Variants in PRSS55 observed in about 807,000 individuals in gnomAD.
The protein encoded by PRSS55 is probable serine protease UNQ9391/PRO34284.
A neutral mutation model predicts 23.6 loss-of-function variants in PRSS55; 41 were observed. The observed-to-expected ratio is 1.74, with a 90% CI of 1.35 to 2.26. PRSS55 has a LOEUF of 2.26. Among genes scored for constraint, PRSS55 ranks in the 30% most tolerant of loss-of-function variants. PRSS55 has a pLI of 0.00. For synonymous variants in PRSS55, 262 were observed against 175.5 expected, an observed-to-expected ratio of 1.49 and a Z score of -3.90; for missense variants, 669 against 439.1, an observed-to-expected ratio of 1.52 and a Z score of -4.68.
intron 4 of PRSS55, among the ~76,000 whole-genome samples, chr8:10,536,999 C>G (rs1017038192): frequency 2.0e-5 from 3 of 152,102 alleles, no homozygotes; most frequent in African/African-American, 7.2e-5. Context: ...AACAAATCTG[C>G]TCATGTACCC....
intron 4 of PRSS55, among the ~76,000 whole-genome samples, chr8:10,536,890 G>C (rs1237274316): frequency 1.3e-5 from 2 of 152,182 alleles, no homozygotes; most frequent in Non-Finnish European, 2.9e-5. Context: ...AAGAGGGTAA[G>C]TAAGGTAGTT....
chr8:10,526,664 T>G (rs1168367661), intron 1 of PRSS55, among the ~76,000 whole-genome samples: 1 of 152,208 alleles, frequency 6.6e-6, no homozygotes, highest in Non-Finnish European at 1.5e-5. Flanking sequence ...TGTTGTGGGT[T>G]GATCTCAGGA....
chr8:10,549,158 C>T (rs1812895908), intron 4 of PRSS55, among the ~76,000 whole-genome samples: 1 of 152,156 alleles, frequency 6.6e-6, no homozygotes, highest in Non-Finnish European at 1.5e-5. Context: ...ATAGTCACCT[C>T]ATCATAATAA....
At position 10,533,723 on chromosome 8, in the gene PRSS55, C is replaced by A. The variant is rs557189847; in HGVS notation, c.741+675C>A. Among the ~76,000 whole-genome samples, 8 of 152,310 alleles carry A rather than the reference C, an allele frequency of 5.3e-5. No homozygotes were observed. In the South Asian group the frequency reaches 1.7e-3, roughly 32 times the overall value. ...TCTTAAAAGTGGCCACCCTGATGAA[C>A]CTGCTTAGTCTCAGCTGAAGACTAG... is the stretch of plus-strand genomic sequence containing the variant. On this transcript the variant is annotated intron_variant, in intron 4 of 4. Coordinates refer to ENST00000328655, the MANE Select transcript of PRSS55 (RefSeq NM_198464.4).
In PRSS55 at chr8:10,530,896, G is replaced by C. The variant is rs117132526; in HGVS notation, c.348-399G>C. On this transcript the variant is annotated intron_variant, in intron 2 of 4. Coordinates refer to ENST00000328655, the MANE Select transcript of PRSS55 (RefSeq NM_198464.4). ...TCTGGTCCTGAGTTTCTAAAGTGCT[G>C]GTAGACCAGTTGATACAAAACAGAT... 3.9e-5 allele frequency among the ~76,000 whole-genome samples: 6 copies of C among 152,202 alleles called. No homozygotes were observed. The East Asian group carries it at 1.2e-3, about 29-fold the overall frequency.
chr8:10,532,241 T>C (rs1261411976), intron 3 of PRSS55, among the ~76,000 whole-genome samples: 1 of 151,986 alleles, frequency 6.6e-6, no homozygotes. Context: ...GGTGGGACCT[T>C]AGTTCTGGGC....
downstream of PRSS55, chr8:10,540,409 G>T (rs528328392): frequency 6.6e-6 from 1 of 152,280 alleles, no homozygotes; most frequent in Non-Finnish European, 1.5e-5. Flanking sequence ...TCTCCAGAAA[G>T]AGACTGAAGA....
chr8:10,549,109 C>T (rs985468879), intron 4 of PRSS55, among the ~76,000 whole-genome samples: 1 of 152,174 alleles, frequency 6.6e-6, no homozygotes, highest in Non-Finnish European at 1.5e-5. Flanking sequence ...AGAAAACATT[C>T]GCTTACCCTG....
chr8:10,548,374 C>G (rs1024768578), intron 4 of PRSS55, among the ~76,000 whole-genome samples: 2 of 152,084 alleles, frequency 1.3e-5, no homozygotes, highest in South Asian at 4.2e-4. Context: ...GCAGAGGTTC[C>G]CTGAGAGCTG....
chr8:10,540,485 G>C (rs1402984210), downstream of PRSS55: 1 of 152,300 alleles, frequency 6.6e-6, no homozygotes, highest in African/African-American at 2.4e-5. Context: ...GCTGAGATGG[G>C]TGGATCACCT....
chr8:10,538,081 C>G (rs898847802), intron 4 of PRSS55, among the ~76,000 whole-genome samples: 1 of 152,194 alleles, frequency 6.6e-6, no homozygotes, highest in Non-Finnish European at 1.5e-5. Flanking sequence ...CCCTGCAACA[C>G]TTCACATGTC....
At chr8:10,553,807 A>G (rs1455741452) in intron 4 of PRSS55, 2 of 569,606 alleles carry the variant, frequency 3.5e-6, no homozygotes, top group East Asian at 5.8e-5. Context: ...TGAAAAAGCA[A>G]TATGTAAGGT....
intron 4 of PRSS55, 24 bp downstream of exon 4, chr8:10,533,072 A>G: frequency 6.2e-7 from 1 of 1,613,250 alleles, no homozygotes; most frequent in South Asian, 1.1e-5. Flanking sequence ...ACCCTCCCTC[A>G]CCTTATAGGT....
chr8:10,528,824 C>G (rs139173023), intron 1 of PRSS55, among the ~76,000 whole-genome samples: 4 of 152,334 alleles, frequency 2.6e-5, no homozygotes, highest in East Asian at 3.9e-4. Flanking sequence ...ACTGGACGCT[C>G]TAGGGGAAAA....
chr8:10,554,110 C>A (rs1813010519), exon 5 of PRSS55: 1 of 896,078 alleles, frequency 1.1e-6, no homozygotes, highest in Non-Finnish European at 1.6e-6. Context: ...AGTTGAAAAT[C>A]TTTGAGGGTG....
intron 1 of PRSS55, among the ~76,000 whole-genome samples, chr8:10,527,894 A>C (rs990267681): frequency 1.8e-4 from 27 of 152,238 alleles, no homozygotes; most frequent in African/African-American, 6.5e-4. Context: ...ATGTAAATAA[A>C]ATCAGAGAGG....
rs144392408 is a variant in PRSS55 at position 10,527,935 on chromosome 8, G to A, written c.155-1572G>A. Among the ~76,000 whole-genome samples, 8 of 152,194 alleles carry A rather than the reference G, an allele frequency of 5.3e-5. No homozygotes were observed. The East Asian group carries it at 9.7e-4, about 18-fold the overall frequency. On this transcript the variant is annotated intron_variant, in intron 1 of 4. Transcript: ENST00000328655. ...TGGATCCACAAGTACCGAATAGGCC[G>A]GGCATGGTGGCTCACGCCTGTAATC...
At chr8:10,535,493 G>C (rs60654669) in intron 4 of PRSS55, among the ~76,000 whole-genome samples, 5,750 of 152,314 alleles carry the variant, frequency 0.038, 147 homozygotes, top group East Asian at 0.099. Flanking sequence ...GATAAATGGT[G>C]TTGGGATAAC....
At chr8:10,551,978 T>G (rs11988443) in intron 4 of PRSS55, among the ~76,000 whole-genome samples, 12,198 of 152,266 alleles carry the variant, frequency 0.08, 540 homozygotes, top group Non-Finnish European at 0.098. Context: ...GGCTAATAGC[T>G]CTACAGAGCA....
Sources: gnomAD v4.1 joint callset for allele counts (sites outside exome capture counted in the v4.1 genomes callset) on GRCh38, gnomAD v4.1.1 for gene constraint, MANE v1.5 for transcripts, NCBI Gene and HGNC (gene_info 2026-07-23, HGNC 2026-07-21) for gene names.